CPEB1: variants seen among roughly 807,000 people sequenced by gnomAD.
CPEB1 encodes cytoplasmic polyadenylation element binding protein 1.
A neutral mutation model predicts 65.8 loss-of-function variants in CPEB1; 7 were observed. The ratio of observed to expected loss-of-function variants is 0.11; its 90% CI spans 0.06 to 0.20. The LOEUF is 0.20. CPEB1 is among the 10% of genes least tolerant of loss of function. The pLI is 1.00. For synonymous variants in CPEB1, 262 were observed against 260.0 expected (o/e 1.01, Z -0.08); for missense variants, 551 against 712.2 (o/e 0.77, Z 2.58).
At chr15:82,634,273 A>T (rs191316075) in intron 1 of CPEB1, among the ~76,000 whole-genome samples, 6 of 151,904 alleles carry the variant, frequency 3.9e-5, no homozygotes, top group Admixed American at 2.6e-4. Flanking sequence ...TATGTTTGCT[A>T]AAGATCCCCA....
At chr15:82,569,160 T>A (rs576883290) in intron 4 of CPEB1, among the ~76,000 whole-genome samples, 14 of 152,302 alleles carry the variant, frequency 9.2e-5, no homozygotes, top group Non-Finnish European at 1.9e-4. Flanking sequence ...TGTTCCCGCA[T>A]TGCTGGTGAG....
upstream of CPEB1, chr15:82,647,884 C>T (rs1335408095): frequency 4.8e-6 from 6 of 1,247,530 alleles, no homozygotes; most frequent in Non-Finnish European, 6.0e-6. Flanking sequence ...GCCGGTGTGG[C>T]CCTGCGGGGC....
upstream of CPEB1, chr15:82,647,912 A>G (rs2047717093): frequency 5.7e-6 from 7 of 1,227,948 alleles, no homozygotes; most frequent in South Asian, 2.7e-4. Flanking sequence ...CTGACCGGCC[A>G]GCCGGCGGGC....
Position 82,606,646 on chromosome 15 carries a change from G to A in CPEB1, c.271+20547C>T, listed in dbSNP as rs1305435430. Among the ~76,000 whole-genome samples, 14 of 103,034 alleles carry A rather than the reference G, an allele frequency of 1.4e-4. 4 individuals are homozygous for A. Among genetic ancestry groups the A allele is most frequent in the South Asian group, 7.5e-4 (2 of 2,662 alleles). 67.6% of individuals were successfully genotyped at this position (103,034 alleles called of 152,430 possible). Reference sequence around the variant, plus strand: ...ATCCCGGCTAAAATGGTGAAACCCCGTCTCTACTAAAAATACAAAAAATTA... The same window carrying A: ...ATCCCGGCTAAAATGGTGAAACCCCATCTCTACTAAAAATACAAAAAATTA... On this transcript the variant is annotated intron_variant, in intron 3 of 12. Coordinates refer to ENST00000684509, the MANE Select transcript of CPEB1 (RefSeq NM_001365242.1).
At chr15:82,571,100 C>T (rs774869369) in intron 4 of CPEB1, among the ~76,000 whole-genome samples, 1 of 152,222 alleles carries the variant, frequency 6.6e-6, no homozygotes, top group African/African-American at 2.4e-5. Flanking sequence ...ACTCCAGGTG[C>T]AGACTAACAA....
intron 1 of CPEB1, among the ~76,000 whole-genome samples, chr15:82,646,340 T>G (rs1223512963): frequency 1.3e-5 from 2 of 151,964 alleles, no homozygotes. Flanking sequence ...CACAGCCCAG[T>G]AGTTGACTCA....
intron 3 of CPEB1, among the ~76,000 whole-genome samples, chr15:82,589,398 C>T (rs1435347276): frequency 2.6e-5 from 4 of 152,216 alleles, no homozygotes; most frequent in African/African-American, 9.6e-5. Flanking sequence ...TGCCCCCATC[C>T]TAATCATTCC....
Position 82,584,975 on chromosome 15 carries a change from G to C in CPEB1, c.272-13443C>G, listed in dbSNP as rs968227980. Among the ~76,000 whole-genome samples the C allele has an allele frequency of 2.3e-5, 3 of 127,908 alleles. No homozygotes were observed. The South Asian group carries it at 7.6e-4, about 32-fold the overall frequency. The allele number at this position is 127,908 out of a possible 152,430, so 83.9% of individuals were successfully genotyped here. ...AAATGCAAGCTATTAAACTGGGTAAGGTGACAACATCCCCTAAATAAACTT... is the reference window on the plus strand; with the variant it reads ...AAATGCAAGCTATTAAACTGGGTAACGTGACAACATCCCCTAAATAAACTT... On this transcript the variant is annotated intron_variant, in intron 3 of 12. Coordinates refer to ENST00000684509, the MANE Select transcript of CPEB1 (RefSeq NM_001365242.1).
At chr15:82,558,274 T>C (rs1162484643) in intron 4 of CPEB1, among the ~76,000 whole-genome samples, 1 of 152,204 alleles carries the variant, frequency 6.6e-6, no homozygotes, top group African/African-American at 2.4e-5. Context: ...ATGCCAGTAC[T>C]TGGGAAACTG....
At chr15:82,546,297 A>T in intron 12 of CPEB1, 144 bp downstream of exon 12, 1 of 667,328 alleles carries the variant, frequency 1.5e-6, no homozygotes, top group South Asian at 1.9e-5. Context: ...TTTAATAGAG[A>T]CGGGGTTTCA....
intron 3 of CPEB1, among the ~76,000 whole-genome samples, chr15:82,593,512 C>T (rs1249603060): frequency 2.0e-5 from 3 of 152,192 alleles, no homozygotes; most frequent in South Asian, 2.1e-4. Flanking sequence ...TAGTTACTTC[C>T]TCCACTGAAG....
upstream of CPEB1, chr15:82,648,426 G>A (rs1033152429): frequency 3.3e-5 from 5 of 152,408 alleles, no homozygotes; most frequent in African/African-American, 4.8e-5. Flanking sequence ...TGGGCTCCAG[G>A]AGGCGCACTC....
At chr15:82,648,129 C>T, upstream of CPEB1, 1 of 357,060 alleles carries the variant, frequency 2.8e-6, no homozygotes, top group East Asian at 4.1e-5. Flanking sequence ...AGGGCTCCGC[C>T]GCCCACCCGG....
intron 4 of CPEB1, among the ~76,000 whole-genome samples, chr15:82,566,653 G>C (rs142254691): frequency 3.2e-4 from 49 of 152,206 alleles, no homozygotes; most frequent in African/African-American, 1.1e-3. Flanking sequence ...ATTACCTGTA[G>C]AAAAGACATA....
At chr15:82,607,311 G>A (rs1596097591) in intron 3 of CPEB1, among the ~76,000 whole-genome samples, 1 of 152,262 alleles carries the variant, frequency 6.6e-6, no homozygotes, top group South Asian at 2.1e-4. Context: ...AATAGGGCTG[G>A]GCACGGTGGC....
At chr15:82,621,593 G>A (rs1220329181) in intron 3 of CPEB1, among the ~76,000 whole-genome samples, 2 of 151,204 alleles carry the variant, frequency 1.3e-5, no homozygotes, top group Non-Finnish European at 1.5e-5. Flanking sequence ...ACTCCAGCCT[G>A]GGAAACAAGA....
rs2044296694 is a variant in CPEB1 at position 82,612,786 on chromosome 15, A to ATAT, written c.271+14406_271+14407insATA. ...GGGGCGGAGGTTGCAGTAAGCCAAG[A>ATAT]CTGCACCACTGCACTCCAGCCTGGG... On this transcript the variant is annotated intron_variant, in intron 3 of 12. Coordinates refer to ENST00000684509, the MANE Select transcript of CPEB1 (RefSeq NM_001365242.1). 2.6e-5 allele frequency among the ~76,000 whole-genome samples: 4 copies of ATAT among 152,180 alleles called. No homozygotes were observed. The South Asian group carries it at 8.3e-4, about 32-fold the overall frequency.
At chr15:82,572,586 C>T (rs1011382916) in intron 3 of CPEB1, among the ~76,000 whole-genome samples, 13 of 152,178 alleles carry the variant, frequency 8.5e-5, no homozygotes, top group Non-Finnish European at 1.8e-4. Context: ...CAACTGTAGG[C>T]ACAGACTGAG....
At chr15:82,569,313 G>T (rs1006308907) in intron 4 of CPEB1, among the ~76,000 whole-genome samples, 1 of 152,148 alleles carries the variant, frequency 6.6e-6, no homozygotes, top group Non-Finnish European at 1.5e-5. Context: ...CAAAACCAAA[G>T]GCAACATGAC....
Sources: gnomAD v4.1 joint callset for allele counts (sites outside exome capture counted in the v4.1 genomes callset) on GRCh38, gnomAD v4.1.1 for gene constraint, MANE v1.5 for transcripts, NCBI Gene and HGNC (gene_info 2026-07-23, HGNC 2026-07-21) for gene names.